Variants in DAPK3 observed in about 807,000 individuals in gnomAD.
The protein encoded by DAPK3 is death-associated protein kinase 3.
In DAPK3, 24 loss-of-function variants were observed where a neutral mutation model predicts 30.6. The ratio of observed to expected loss-of-function variants is 0.78; its 90% CI spans 0.57 to 1.10. DAPK3 has a LOEUF of 1.10. DAPK3 is among the 50% of genes least tolerant of loss of function. The probability of loss-of-function intolerance (pLI) is 0.00; values close to 1 mark genes in which losing one functional copy is unlikely to be tolerated. For synonymous variants in DAPK3, 341 were observed against 284.0 expected, an observed-to-expected ratio of 1.20 and a Z score of -2.02; for missense variants, 629 against 657.3, an observed-to-expected ratio of 0.96 and a Z score of 0.47.
rs562811984 is a variant in DAPK3 at position 3,964,675 on chromosome 19, C to T, written c.379G>A (p.Val127Ile). The T allele has an allele frequency of 4.4e-5, 69 of 1,579,006 alleles. 2 individuals are homozygous for T. In the South Asian group the frequency reaches 7.0e-4, roughly 16 times the overall value. The change falls in exon 3 of 9, where the codon GTT (valine) becomes ATT (isoleucine). Residue 127 changes from valine to isoleucine, a missense_variant. Physicochemically the swap from Val to Ile is conservative, Grantham distance 29 (BLOSUM62 3). Coordinates refer to ENST00000545797, the MANE Select transcript of DAPK3 (RefSeq NM_001348.3). ...TQFLKQILDG[V>I]HYLHSKRIAH... ...ATGCGCTTAGAGTGCAGGTAGTGAA[C>T]GCCGTCCAGGATCTGCTTGAGGAAC...
rs201391109 is a variant in DAPK3 at position 3,961,080 on chromosome 19, G to A, written c.711C>T (p.Asp237=). 8.1e-6 allele frequency: 13 copies of A among 1,613,840 alleles called. No individual in the cohort carries two copies. The highest frequency in any genetic ancestry group is 1.7e-5 in the Admixed American group (1 of 59,988). Residue 237 remains aspartate (D), a synonymous_variant, in exon 7 of 9, where the codon GAC becomes GAT. Transcript: ENST00000545797. Reference sequence around the variant, plus strand: ...CGCTGGTGTTGCTGAAGTACTCCTCGTCGAAGTCGTAGTTCACGGCTGAGA... The same window carrying A: ...CGCTGGTGTTGCTGAAGTACTCCTCATCGAAGTCGTAGTTCACGGCTGAGA... The part of the protein sequence containing the change: ...TNISAVNYDF[D]EEYFSNTSEL...
intron 2 of DAPK3, 26 bp downstream of exon 2, chr19:3,969,647 GC>G: frequency 1.3e-6 from 2 of 1,514,110 alleles, no homozygotes; most frequent in Non-Finnish European, 9.2e-7. Flanking sequence ...TATCCCTGGA[GC>G]CCAGCCGTGC....
Position 3,969,731 on chromosome 19 carries a change from G to C in DAPK3, c.5C>G (p.Ser2Cys), listed in dbSNP as rs2039615574. Residue 2 changes from serine to cysteine, a missense_variant, in exon 2 of 9, where the codon TCC becomes TGC. This residue lies in a region of DAPK3 where 306 missense variants were observed against 378.5 expected (regional missense o/e 0.81). Transcript: ENST00000545797. The stretch of plus-strand genomic sequence containing the variant: ...CTCCACGTCCTCCTGCCTGAACGTG[G>C]ACATGGCGGCCGGTCCGCCTTCCAG... MSTFRQEDVEDH... is the reference protein window; with the variant it reads MCTFRQEDVEDH... The C allele has an allele frequency of 1.2e-6, 2 of 1,611,302 alleles. No individual in the cohort carries two copies. The highest frequency in any genetic ancestry group is 1.7e-6 in the Non-Finnish European group (2 of 1,178,802).
chr19:3,964,976 G>GC lies in DAPK3; in HGVS notation c.77_78insG (p.Ile26MetfsTer78). 6.2e-7 allele frequency: 1 copy of GC among 1,601,696 alleles called. No individual in the cohort carries two copies. The highest frequency in any genetic ancestry group is 8.5e-7 in the Non-Finnish European group (1 of 1,171,622). Reference sequence around the variant, plus strand: ...TGCCCTTCTGCCGGCACTTCCGCACGATCGCAAACTGGCCGCTGGAGGAGG... The same window carrying GC: ...TGCCCTTCTGCCGGCACTTCCGCACGCATCGCAAACTGGCCGCTGGAGGAGG... On this transcript the variant is annotated frameshift_variant, in exon 3 of 9. Transcript: ENST00000545797. LOFTEE classifies it high-confidence loss of function.
Position 3,963,914 on chromosome 19 carries a change from C to A in DAPK3, c.559G>T (p.Glu187Ter). ...IFGTPEFVAPEIVNYEPLGLE... is the reference protein window; with the variant it reads ...IFGTPEFVAP Reference sequence around the variant, plus strand: ...CCCAGCGGCTCATAGTTCACAATCTCTGGGGCTGCAGAACAGGGAGATGTG... The same window carrying A: ...CCCAGCGGCTCATAGTTCACAATCTATGGGGCTGCAGAACAGGGAGATGTG... Residue 187 changes from glutamate to a stop codon, truncating the protein, a stop_gained, in exon 5 of 9, where the codon GAG becomes TAG. Transcript: ENST00000545797. LOFTEE classifies it high-confidence loss of function. 6.2e-7 allele frequency: 1 copy of A among 1,601,408 alleles called. No individual in the cohort carries two copies.
At chr19:3,966,915 G>A (rs1451222457) in intron 2 of DAPK3, among the ~76,000 whole-genome samples, 1 of 152,140 alleles carries the variant, frequency 6.6e-6, no homozygotes, top group African/African-American at 2.4e-5. Context: ...TCTACGGAAT[G>A]TGAAACGTGC....
chr19:3,969,602 G>A (rs2039614164), intron 2 of DAPK3, 72 bp downstream of exon 2: 3 of 938,976 alleles, frequency 3.2e-6, no homozygotes, highest in Admixed American at 1.7e-5. Flanking sequence ...GGAAAGGAGA[G>A]CTGCTGTTCA....
At position 3,959,001 on chromosome 19, in the gene DAPK3, G is replaced by T; in HGVS notation, c.*100C>A. The T allele has an allele frequency of 1.3e-6, 1 of 777,158 alleles. No individual in the cohort carries two copies. The highest frequency in any genetic ancestry group is 2.0e-6 in the Non-Finnish European group (1 of 506,746). 48.1% of individuals were successfully genotyped at this position (777,158 alleles called of 1,614,324 possible). On this transcript the variant is annotated 3_prime_UTR_variant, in exon 9 of 9. Coordinates refer to ENST00000545797, the MANE Select transcript of DAPK3 (RefSeq NM_001348.3). ...CCTCCAGCCTGGTGGCGCTGGGCAA[G>T]GACAGGCACCCGGGCGATGGGAGGC...
In DAPK3 at chr19:3,964,811, G is replaced by A; in HGVS notation, c.243C>T (p.Asp81=). ...CCACGTCCGTCTTGTTCTCGAAGATGTCGTGCAGGGTGATGATGTTGGGGT... is the reference window on the plus strand; with the variant it reads ...CCACGTCCGTCTTGTTCTCGAAGATATCGTGCAGGGTGATGATGTTGGGGT... The part of the protein sequence containing the change: ...IRHPNIITLH[D]IFENKTDVVL... Residue 81 remains aspartate, a synonymous_variant, in exon 3 of 9, where the codon GAC becomes GAT. Transcript: ENST00000545797. 6.2e-7 allele frequency: 1 copy of A among 1,612,334 alleles called. No individual in the cohort carries two copies. Among genetic ancestry groups the A allele is most frequent in the Non-Finnish European group, 8.5e-7 (1 of 1,178,562 alleles).
chr19:3,958,519 C>A lies in DAPK3; in HGVS notation c.*582G>T. The A allele has an allele frequency of 2.2e-6, 1 of 456,682 alleles. No homozygotes were observed. Among genetic ancestry groups the A allele is most frequent in the Non-Finnish European group, 4.4e-6 (1 of 227,320 alleles). The allele number at this position is 456,682 out of a possible 1,614,324, so 28.3% of individuals were successfully genotyped here. A position where few individuals can be genotyped will look rare whatever the true frequency, so the allele number is the denominator to read the frequency against. On this transcript the variant is annotated 3_prime_UTR_variant, in exon 9 of 9. Coordinates refer to ENST00000545797, the MANE Select transcript of DAPK3 (RefSeq NM_001348.3). ...CCGCTCTTGCCTAGGCGTCCACAGG[C>A]GCGACGATGGGGCTCGCGGAGGAGT...
At chr19:3,967,733 C>T (rs1242728997) in intron 2 of DAPK3, among the ~76,000 whole-genome samples, 2 of 152,206 alleles carry the variant, frequency 1.3e-5, no homozygotes, top group Non-Finnish European at 2.9e-5. Flanking sequence ...CCAGTCTCGG[C>T]AACAGAGCCA....
intron 3 of DAPK3, 55 bp from the exon 4 acceptor site, chr19:3,964,428 C>T: frequency 2.8e-6 from 4 of 1,452,474 alleles, no homozygotes; most frequent in Non-Finnish European, 3.8e-6. Flanking sequence ...ACCCTCACCC[C>T]CACGCTCCCC....
rs1312212044 is a variant in DAPK3 at position 3,959,075 on chromosome 19, C to T, written c.*26G>A. On this transcript the variant is annotated 3_prime_UTR_variant, in exon 9 of 9. Transcript: ENST00000545797. ...CACCGCAGGCCGAGCTCCGGCTGTC[C>T]TGGGGCCTGGCCCACCCCACTGCGC... 6.9e-7 allele frequency: 1 copy of T among 1,443,118 alleles called. No homozygotes were observed. The highest frequency in any genetic ancestry group is 9.2e-7 in the Non-Finnish European group (1 of 1,092,068). The allele number at this position is 1,443,118 out of a possible 1,614,324, so 89.4% of individuals were successfully genotyped here. A position where few individuals can be genotyped will look rare whatever the true frequency, so the allele number is the denominator to read the frequency against.
Position 3,959,021 on chromosome 19 carries a change from G to T in DAPK3, c.*80C>A. ...GGCAAGGACAGGCACCCGGGCGATG[G>T]GAGGCGCAGCGTCCACAGGAAGCGC... On this transcript the variant is annotated 3_prime_UTR_variant, in exon 9 of 9. Coordinates refer to ENST00000545797, the MANE Select transcript of DAPK3 (RefSeq NM_001348.3). 1.1e-6 allele frequency: 1 copy of T among 917,328 alleles called. No individual in the cohort carries two copies. The highest frequency in any genetic ancestry group is 1.6e-6 in the Non-Finnish European group (1 of 634,108). 56.8% of individuals were successfully genotyped at this position (917,328 alleles called of 1,614,324 possible).
At chr19:3,961,338 G>A (rs2039509124) in intron 6 of DAPK3, 177 bp from the exon 7 acceptor site, 7 of 739,338 alleles carry the variant, frequency 9.5e-6, no homozygotes, top group Middle Eastern at 2.3e-4. Flanking sequence ...CCACCCAAGA[G>A]GCATTCAAAA....
At chr19:3,961,474 G>A (rs1289381443) in intron 6 of DAPK3, 1 of 552,568 alleles carries the variant, frequency 1.8e-6, no homozygotes, top group Non-Finnish European at 3.7e-6. Flanking sequence ...CCGAGGGGAG[G>A]GTAACTGCAG....
intron 7 of DAPK3, among the ~76,000 whole-genome samples, 188 bp downstream of exon 7, chr19:3,960,821 A>C (rs934986632): frequency 5.3e-5 from 8 of 151,222 alleles, no homozygotes; most frequent in Admixed American, 4.6e-4. Flanking sequence ...AAAAAAAAAA[A>C]AAACCATGGC....
At position 3,966,824 on chromosome 19, in the gene DAPK3, G is replaced by A. The variant is rs548982817; in HGVS notation, c.63-1833C>T. ...CCTACAGCAACAGCAGACCACAGCCGCCCACCTCCAGACAGCCCCCGGTCT... is the reference window on the plus strand; with the variant it reads ...CCTACAGCAACAGCAGACCACAGCCACCCACCTCCAGACAGCCCCCGGTCT... On this transcript the variant is annotated intron_variant, in intron 2 of 8. Coordinates refer to ENST00000545797, the MANE Select transcript of DAPK3 (RefSeq NM_001348.3). Among the ~76,000 whole-genome samples the A allele has an allele frequency of 2.6e-5, 4 of 152,064 alleles. No individual in the cohort carries two copies. In the East Asian group the frequency reaches 7.7e-4, roughly 29 times the overall value.
At chr19:3,970,247 G>C (rs1236329406) in intron 1 of DAPK3, among the ~76,000 whole-genome samples, 1 of 152,128 alleles carries the variant, frequency 6.6e-6, no homozygotes, top group Non-Finnish European at 1.5e-5. Context: ...AAGTTCTCAA[G>C]TCTACTTCTT....
Sources: allele counts gnomAD v4.1 joint callset (sites outside exome capture counted in the v4.1 genomes callset), GRCh38; gene constraint gnomAD v4.1.1; regional missense constraint gnomAD v4.1.1; transcripts MANE v1.5; gene names NCBI Gene and HGNC (gene_info 2026-07-23, HGNC 2026-07-21).